DGKD: variants seen among roughly 807,000 people sequenced by gnomAD.
DGKD encodes diacylglycerol kinase delta.
A neutral mutation model predicts 154.4 loss-of-function variants in DGKD; 68 were observed. The ratio of observed to expected loss-of-function variants is 0.44; its 90% CI spans 0.36 to 0.54. DGKD has a LOEUF of 0.54. DGKD is among the 20% of genes least tolerant of loss of function. The pLI is 0.00. For synonymous variants in DGKD, 693 were observed against 638.0 expected (o/e 1.09, Z -1.30); for missense variants, 1,343 against 1,593.6 (o/e 0.84, Z 2.68).
chr2:233,385,573 C>T (rs1449515992), intron 1 of DGKD, among the ~76,000 whole-genome samples: 3 of 152,186 alleles, frequency 2.0e-5, no homozygotes, highest in Non-Finnish European at 4.4e-5. Flanking sequence ...CCCGGCATGG[C>T]CCGAGCGAAC....
chr2:233,398,391 G>T (rs553787263), intron 3 of DGKD, among the ~76,000 whole-genome samples: 1 of 151,842 alleles, frequency 6.6e-6, no homozygotes, highest in African/African-American at 2.4e-5. Flanking sequence ...GTGATCCGCC[G>T]GCCTCAGCCT....
In DGKD at chr2:233,457,753, C is replaced by T; in HGVS notation, c.2580+425C>T. ...ACATGGAGGATGGGAGAGAGGTGCC[C>T]CGACTGCAGTGGGCAGCAGGGGCGT... is the stretch of plus-strand genomic sequence containing the variant. On this transcript the variant is annotated intron_variant, in intron 21 of 29. Coordinates refer to ENST00000264057, the MANE Select transcript of DGKD (RefSeq NM_152879.3). The surrounding 1 kb of genome is among the most constrained non-coding windows in gnomAD (Gnocchi z 5.5). 2.7e-6 allele frequency: 1 copy of T among 368,302 alleles called. No individual in the cohort carries two copies. Among genetic ancestry groups the T allele is most frequent in the South Asian group, 2.0e-5 (1 of 48,914 alleles). The allele number at this position is 368,302 out of a possible 1,614,324, so 22.8% of individuals were successfully genotyped here.
chr2:233,455,686 G>C (rs1321641700), intron 19 of DGKD, among the ~76,000 whole-genome samples: 1 of 152,234 alleles, frequency 6.6e-6, no homozygotes, highest in Non-Finnish European at 1.5e-5. Context: ...AGTCAGGATG[G>C]GCTTGAATGA....
chr2:233,370,756 AT>A (rs1000695026), intron 1 of DGKD, among the ~76,000 whole-genome samples: 1 of 150,188 alleles, frequency 6.7e-6, no homozygotes, highest in African/African-American at 2.4e-5. Flanking sequence ...TTTATTTTGT[AT>A]TTTTTTTTAA....
intron 1 of DGKD, among the ~76,000 whole-genome samples, chr2:233,383,347 A>T (rs565171808): frequency 6.6e-6 from 1 of 152,120 alleles, no homozygotes; most frequent in East Asian, 1.9e-4. Context: ...AGCCCGTTCC[A>T]TGGGAGTTTC....
At chr2:233,360,041 C>T (rs1202782012) in intron 1 of DGKD, among the ~76,000 whole-genome samples, 1 of 152,062 alleles carries the variant, frequency 6.6e-6, no homozygotes, top group African/African-American at 2.4e-5. Context: ...GACTGCAGCG[C>T]CACTCTTCCA....
chr2:233,386,129 CT>C (rs1703162658), intron 1 of DGKD: 1 of 326,686 alleles, frequency 3.1e-6, no homozygotes, highest in Non-Finnish European at 6.2e-6. Context: ...TAACTTATAA[CT>C]TTTCTGGGTT....
chr2:233,441,842 C>T lies in DGKD; in HGVS notation c.1086-45C>T. On this transcript the variant is annotated intron_variant, in intron 9 of 29. Coordinates refer to ENST00000264057, the MANE Select transcript of DGKD (RefSeq NM_152879.3). The surrounding 1 kb of genome is among the most constrained non-coding windows in gnomAD (Gnocchi z 5.6). ...CGTACTGACAAGCCTGTCATTTGTC[C>T]TGTGGAATGGATGTCATTTCACGGC... The T allele has an allele frequency of 1.3e-6, 2 of 1,570,064 alleles. No homozygotes were observed. Among genetic ancestry groups the T allele is most frequent in the Non-Finnish European group, 1.7e-6 (2 of 1,146,826 alleles).
chr2:233,387,941 T>C (rs376385543), intron 1 of DGKD, among the ~76,000 whole-genome samples: 2 of 152,210 alleles, frequency 1.3e-5, no homozygotes, highest in South Asian at 2.1e-4. Context: ...TCCTCCCAGC[T>C]GCTGTGTACT....
chr2:233,397,155 C>T (rs2061419833), intron 3 of DGKD, among the ~76,000 whole-genome samples: 1 of 97,960 alleles, frequency 1.0e-5, no homozygotes, highest in South Asian at 3.7e-4. Context: ...ACCAGGGTGG[C>T]TGCGGGGGGG....
chr2:233,446,472 C>T (rs1179800983), intron 11 of DGKD, among the ~76,000 whole-genome samples: 1 of 152,256 alleles, frequency 6.6e-6, no homozygotes, highest in African/African-American at 2.4e-5. Flanking sequence ...AGCATCTTAT[C>T]TCAAGGTAGC....
intron 1 of DGKD, among the ~76,000 whole-genome samples, chr2:233,371,078 G>T (rs1433302865): frequency 1.3e-5 from 2 of 152,018 alleles, no homozygotes; most frequent in Admixed American, 1.3e-4. Flanking sequence ...TTTTGGGTAC[G>T]TACATGTGAG....
intron 3 of DGKD, among the ~76,000 whole-genome samples, chr2:233,399,340 G>C (rs554492385): frequency 6.6e-6 from 1 of 152,312 alleles, no homozygotes; most frequent in East Asian, 1.9e-4. Flanking sequence ...AGAATGATTT[G>C]GGCCCTGCCC....
rs1301875842 is a variant in DGKD, at chr2:233,457,994, C to T, written c.2581-290C>T. Among the ~76,000 whole-genome samples the T allele has an allele frequency of 1.3e-5, 2 of 152,204 alleles. No individual in the cohort carries two copies. Among genetic ancestry groups the T allele is most frequent in the African/African-American group, 2.4e-5 (1 of 41,454 alleles). ...GTCCTGGCACTCTGCAGCGTTAACT[C>T]ACTTGGCCCTACTGATGGCCCTGGA... On this transcript the variant is annotated intron_variant, in intron 21 of 29. Coordinates refer to ENST00000264057, the MANE Select transcript of DGKD (RefSeq NM_152879.3). This position sits in a 1 kb window ranked among gnomAD's most constrained non-coding sequence, Gnocchi z 5.5.
At chr2:233,423,880 A>C (rs569792586) in intron 3 of DGKD, among the ~76,000 whole-genome samples, 1 of 152,228 alleles carries the variant, frequency 6.6e-6, no homozygotes, top group East Asian at 1.9e-4. Flanking sequence ...TACCAGGTAA[A>C]AAGAAAACCC....
At chr2:233,422,538 G>A (rs1204914819) in intron 3 of DGKD, among the ~76,000 whole-genome samples, 1 of 152,186 alleles carries the variant, frequency 6.6e-6, no homozygotes, top group Non-Finnish European at 1.5e-5. Context: ...TGTACCAAAG[G>A]TGTGTCGGCT....
chr2:233,422,627 A>G (rs747417148), intron 3 of DGKD, among the ~76,000 whole-genome samples: 1 of 152,258 alleles, frequency 6.6e-6, no homozygotes, highest in Non-Finnish European at 1.5e-5. Flanking sequence ...AGATAAGATT[A>G]CACTTTTAAC....
chr2:233,436,042 C>T, intron 6 of DGKD, 118 bp downstream of exon 6: 1 of 1,147,486 alleles, frequency 8.7e-7, no homozygotes, highest in Non-Finnish European at 1.2e-6. Context: ...GTCACACTGG[C>T]ATTGGGTGGC....
rs1361156611 is a variant in DGKD at position 233,458,448 on chromosome 2, G to A, written c.2694+51G>A. The A allele has an allele frequency of 9.0e-6, 13 of 1,450,812 alleles. No individual in the cohort carries two copies. In the South Asian group the frequency reaches 1.5e-4, roughly 17 times the overall value. 89.9% of individuals were successfully genotyped at this position (1,450,812 alleles called of 1,614,324 possible). A position where few individuals can be genotyped will look rare whatever the true frequency, so the allele number is the denominator to read the frequency against. ...TGGCCGAGTCCCCAGCCCGGAGTGT[G>A]CTAAATTCTGGGGCAGTGCATGGAG... On this transcript the variant is annotated intron_variant, in intron 22 of 29. Transcript: ENST00000264057. This position sits in a 1 kb window ranked among gnomAD's most constrained non-coding sequence, Gnocchi z 6.6.
Sources: allele counts gnomAD v4.1 joint callset (sites outside exome capture counted in the v4.1 genomes callset), GRCh38; gene constraint gnomAD v4.1.1; non-coding constraint Gnocchi (gnomAD v3.1); transcripts MANE v1.5; gene names NCBI Gene and HGNC (gene_info 2026-07-23, HGNC 2026-07-21).